The following IL17B variants were observed in gnomAD, a reference collection of about 807,000 sequenced individuals.
IL17B encodes the protein interleukin 17B, also known as interleukin-17B.
IL17B carries 14 observed loss-of-function variants against 14.7 expected under a neutral mutation model. That is an observed-to-expected ratio of 0.95 (90% confidence interval 0.63 to 1.49). The LOEUF (loss-of-function observed/expected upper bound fraction) is 1.49. Among genes scored for constraint, IL17B ranks in the 40% most tolerant of loss-of-function variants. IL17B has a pLI of 0.00. For synonymous variants in IL17B, 105 were observed against 94.8 expected, an observed-to-expected ratio of 1.11 and a Z score of -0.62; for missense variants, 233 against 252.8, an observed-to-expected ratio of 0.92 and a Z score of 0.53.
intron 1 of IL17B, among the ~76,000 whole-genome samples, chr5:149,385,755 C>T (rs149741002): frequency 6.9e-4 from 105 of 152,360 alleles, no homozygotes; most frequent in South Asian, 6.8e-3. Context: ...AAGCTGTCAG[C>T]GTCTCCTCTG....
At chr5:149,393,464 G>A (rs1477137637) in intron 1 of IL17B, among the ~76,000 whole-genome samples, 4 of 152,232 alleles carry the variant, frequency 2.6e-5, no homozygotes, top group African/African-American at 4.8e-5. Flanking sequence ...GCCTAGTTCA[G>A]TGTGAAGCCT....
intron 1 of IL17B, among the ~76,000 whole-genome samples, chr5:149,384,924 T>C (rs1758791138): frequency 6.7e-6 from 1 of 150,314 alleles, no homozygotes; most frequent in South Asian, 2.1e-4. Context: ...TTTTTTTTTT[T>C]TTGAGATGGA....
At chr5:149,397,222 T>C (rs1759110346) in intron 1 of IL17B, among the ~76,000 whole-genome samples, 1 of 152,130 alleles carries the variant, frequency 6.6e-6, no homozygotes, top group African/African-American at 2.4e-5. Context: ...CAGGCTGGAG[T>C]GAAGTGGTGC....
chr5:149,400,859 A>C (rs992307608), intron 1 of IL17B, among the ~76,000 whole-genome samples: 1 of 152,186 alleles, frequency 6.6e-6, no homozygotes, highest in African/African-American at 2.4e-5. Context: ...CTGATGTCTG[A>C]AGCCAGAAGA....
At chr5:149,375,898 TAATC>T (rs1256314448) in intron 2 of IL17B, among the ~76,000 whole-genome samples, 1 of 152,084 alleles carries the variant, frequency 6.6e-6, no homozygotes, top group Non-Finnish European at 1.5e-5. Flanking sequence ...ATAAAAAAAT[TAATC>T]AAAGTTAATC....
At chr5:149,376,611 G>A in intron 2 of IL17B, 125 bp downstream of exon 2, 1 of 1,245,564 alleles carries the variant, frequency 8.0e-7, no homozygotes, top group Non-Finnish European at 1.1e-6. Flanking sequence ...CAAGTAAGAG[G>A]CAGAGCTAGG....
intron 1 of IL17B, among the ~76,000 whole-genome samples, chr5:149,399,512 T>C (rs1242425938): frequency 1.3e-5 from 2 of 151,870 alleles, no homozygotes; most frequent in Non-Finnish European, 2.9e-5. Context: ...CTGTAAGAAA[T>C]AATAAAGAAA....
intron 1 of IL17B, among the ~76,000 whole-genome samples, chr5:149,403,712 G>T (rs1344866485): frequency 2.0e-5 from 3 of 151,974 alleles, no homozygotes; most frequent in Middle Eastern, 3.4e-3. Context: ...AAGCCCATAC[G>T]ATCTCAGGGC....
chr5:149,390,106 T>C (rs2127620717), intron 1 of IL17B, among the ~76,000 whole-genome samples: 1 of 152,254 alleles, frequency 6.6e-6, no homozygotes, highest in Non-Finnish European at 1.5e-5. Context: ...AACCCTTTCA[T>C]ACATGGGTGG....
At chr5:149,382,007 C>T (rs1240466969), upstream of IL17B, among the ~76,000 whole-genome samples, 1 of 152,172 alleles carries the variant, frequency 6.6e-6, no homozygotes, top group Non-Finnish European at 1.5e-5. Context: ...CGCGGTCTCG[C>T]TCAGAGCCCT....
At chr5:149,381,556 C>G (rs1318037284), upstream of IL17B, among the ~76,000 whole-genome samples, 1 of 152,224 alleles carries the variant, frequency 6.6e-6, no homozygotes, top group African/African-American at 2.4e-5. Flanking sequence ...GCTGGGCCTC[C>G]TTGCTGGTCT....
intron 1 of IL17B, among the ~76,000 whole-genome samples, chr5:149,377,434 C>A (rs1353636876): frequency 6.6e-6 from 1 of 152,194 alleles, no homozygotes; most frequent in Non-Finnish European, 1.5e-5. Flanking sequence ...GTATACAATT[C>A]TTTTATGTGT....
intron 1 of IL17B, among the ~76,000 whole-genome samples, chr5:149,396,619 G>A (rs1759096382): frequency 6.6e-6 from 1 of 152,064 alleles, no homozygotes; most frequent in African/African-American, 2.4e-5. Context: ...ATAGCCAGGC[G>A]CAGCGGTGTA....
At chr5:149,403,966 C>G (rs1759264301) in intron 1 of IL17B, 1 of 152,246 alleles carries the variant, frequency 6.6e-6, no homozygotes, top group African/African-American at 2.4e-5. Context: ...CATGAGTCCT[C>G]TATTCTCCTG....
chr5:149,382,552 A>G (rs1430819479), upstream of IL17B, among the ~76,000 whole-genome samples: 1 of 152,264 alleles, frequency 6.6e-6, no homozygotes, highest in Non-Finnish European at 1.5e-5. Context: ...TTTATTCTGA[A>G]TTACAGATGG....
chr5:149,378,703 T>C (rs899321812), intron 1 of IL17B, among the ~76,000 whole-genome samples: 4 of 152,254 alleles, frequency 2.6e-5, no homozygotes, highest in Admixed American at 1.3e-4. Flanking sequence ...TGCTAAATTC[T>C]TCCTTTTTGG....
chr5:149,395,295 C>T (rs988568056), intron 1 of IL17B, among the ~76,000 whole-genome samples: 1 of 152,152 alleles, frequency 6.6e-6, no homozygotes, highest in Non-Finnish European at 1.5e-5. Flanking sequence ...GATACCATGT[C>T]TTTGCTATTG....
At chr5:149,398,767 A>G (rs1347888960) in intron 1 of IL17B, among the ~76,000 whole-genome samples, 1 of 152,200 alleles carries the variant, frequency 6.6e-6, no homozygotes, top group Non-Finnish European at 1.5e-5. Flanking sequence ...TTTGCTGGGC[A>G]TGGTGGCAGG....
At chr5:149,384,927 G>A (rs1472016680) in intron 1 of IL17B, among the ~76,000 whole-genome samples, 2 of 94,392 alleles carry the variant, frequency 2.1e-5, no homozygotes, top group Non-Finnish European at 4.3e-5. Flanking sequence ...TTTTTTTTTT[G>A]AGATGGAGTC....
Sources: gnomAD v4.1 joint callset for allele counts (sites outside exome capture counted in the v4.1 genomes callset) on GRCh38, gnomAD v4.1.1 for gene constraint, MANE v1.5 for transcripts, NCBI Gene and HGNC (gene_info 2026-07-23, HGNC 2026-07-21) for gene names.